The following CNTNAP2 variants were observed in gnomAD, a reference collection of about 807,000 sequenced individuals.
CNTNAP2 encodes contactin-associated protein-like 2.
Under a neutral mutation model 155.2 loss-of-function variants are expected in CNTNAP2, and 98 were observed. That is an observed-to-expected ratio of 0.63 (90% CI 0.54 to 0.75). The LOEUF is 0.75. Ranked by LOEUF, CNTNAP2 falls within the 30% of genes least tolerant of loss-of-function variation. The pLI is 0.00. For missense variants in CNTNAP2, 1,727 were observed against 1,688.1 expected (o/e 1.02, Z -0.40); for synonymous variants, 651 against 631.2 (o/e 1.03, Z -0.47).
chr7:147,757,216 A>T (rs1373400453), intron 13 of CNTNAP2, among the ~76,000 whole-genome samples: 3 of 152,192 alleles, frequency 2.0e-5, no homozygotes, highest in Non-Finnish European at 4.4e-5. Flanking sequence ...TCCTCTGCCC[A>T]AATAGTCATT....
intron 1 of CNTNAP2, among the ~76,000 whole-genome samples, chr7:146,682,019 T>A (rs895720135): frequency 7.2e-5 from 11 of 151,994 alleles, no homozygotes; most frequent in Non-Finnish European, 1.5e-4. Flanking sequence ...AACACATGTA[T>A]AAGCTACATC....
chr7:147,414,377 C>A (rs13229513), intron 10 of CNTNAP2, among the ~76,000 whole-genome samples: 22,054 of 147,320 alleles, frequency 0.15, 1,937 homozygotes, highest in East Asian at 0.35. Context: ...TGAGCTGAGA[C>A]TGTGGTATTG....
At chr7:147,050,181 C>T (rs12540353) in intron 4 of CNTNAP2, among the ~76,000 whole-genome samples, 4 of 152,118 alleles carry the variant, frequency 2.6e-5, no homozygotes, top group Admixed American at 1.3e-4. Flanking sequence ...TCTCCCACAG[C>T]GCAGACACTA....
At chr7:147,340,765 AT>A (rs1305517273) in intron 9 of CNTNAP2, among the ~76,000 whole-genome samples, 1 of 151,928 alleles carries the variant, frequency 6.6e-6, no homozygotes, top group Non-Finnish European at 1.5e-5. Flanking sequence ...ATTTCACACT[AT>A]TTTTTCAACA....
At chr7:146,361,146 A>G (rs1795076569) in intron 1 of CNTNAP2, among the ~76,000 whole-genome samples, 1 of 152,212 alleles carries the variant, frequency 6.6e-6, no homozygotes, top group Non-Finnish European at 1.5e-5. Flanking sequence ...AAGAAAAATG[A>G]CATCTTAACT....
intron 3 of CNTNAP2, among the ~76,000 whole-genome samples, chr7:146,993,637 C>T (rs1798251408): frequency 6.6e-6 from 1 of 152,108 alleles, no homozygotes; most frequent in Non-Finnish European, 1.5e-5. Flanking sequence ...CTGCCCCGCT[C>T]AAGCCTTGTT....
chr7:146,796,865 G>C (rs576123911), intron 2 of CNTNAP2, among the ~76,000 whole-genome samples: 1 of 152,054 alleles, frequency 6.6e-6, no homozygotes, highest in Non-Finnish European at 1.5e-5. Flanking sequence ...GGCCGGGCGC[G>C]GTGGCTCACA....
chr7:147,945,801 C>T (rs559038787), intron 14 of CNTNAP2, among the ~76,000 whole-genome samples: 1 of 151,252 alleles, frequency 6.6e-6, no homozygotes, highest in Admixed American at 6.6e-5. Context: ...GCCTTGGTTG[C>T]ACTCCCTGGA....
chr7:147,736,443 C>T (rs1434824283), intron 13 of CNTNAP2, among the ~76,000 whole-genome samples: 2 of 152,144 alleles, frequency 1.3e-5, no homozygotes, highest in Non-Finnish European at 2.9e-5. Flanking sequence ...TTCTCTCTGG[C>T]TGCCCTTAAC....
rs139708585 is a variant in CNTNAP2, at chr7:147,724,711, T to C, written c.2098+85405T>C. Among the ~76,000 whole-genome samples the C allele has an allele frequency of 2.4e-3, 372 of 152,172 alleles. 2 individuals are homozygous for C. Among genetic ancestry groups the C allele is most frequent in the Non-Finnish European group, 3.6e-3 (247 of 67,970 alleles). ...TGGATAATACGCTGCAGGTAATTTC[T>C]CCTTCCTATATTACACTGCGGAAGC... is the stretch of plus-strand genomic sequence containing the variant. On this transcript the variant is annotated intron_variant, in intron 13 of 23. Coordinates refer to ENST00000361727, the MANE Select transcript of CNTNAP2 (RefSeq NM_014141.6).
chr7:147,857,019 C>G (rs1431255390), intron 13 of CNTNAP2, among the ~76,000 whole-genome samples: 1 of 152,110 alleles, frequency 6.6e-6, no homozygotes, highest in African/African-American at 2.4e-5. Context: ...GAGGCTGGGA[C>G]AAAGAAGATG....
intron 9 of CNTNAP2, among the ~76,000 whole-genome samples, chr7:147,326,070 A>C (rs36029041): frequency 0.19 from 28,587 of 151,940 alleles, 3,538 homozygotes; most frequent in Non-Finnish European, 0.27. Context: ...CGACAAGCGC[A>C]CGCCACCACA....
chr7:148,209,937 C>T (rs1390687168), intron 18 of CNTNAP2, among the ~76,000 whole-genome samples: 1 of 152,216 alleles, frequency 6.6e-6, no homozygotes, highest in African/African-American at 2.4e-5. Flanking sequence ...ATGCTCTTTT[C>T]TCTTCCTAGA....
rs111429790 is a variant in CNTNAP2, at chr7:148,331,780, A to T, written c.3476-51869A>T. ...CGGATGGATTGGATGGATGGAATGG[A>T]CAGATGGAGTGGATGGATAGAATGG... is the stretch of plus-strand genomic sequence containing the variant. On this transcript the variant is annotated intron_variant, in intron 21 of 23. Coordinates refer to ENST00000361727, the MANE Select transcript of CNTNAP2 (RefSeq NM_014141.6). Among the ~76,000 whole-genome samples, 106 of 95,284 alleles carry T rather than the reference A, an allele frequency of 1.1e-3. 5 individuals are homozygous for T. The highest frequency in any genetic ancestry group is 1.8e-3 in the African/African-American group (39 of 22,266). The allele number at this position is 95,284 out of a possible 152,430, so 62.5% of individuals were successfully genotyped here.
chr7:146,548,755 C>G (rs1357175978), intron 1 of CNTNAP2, among the ~76,000 whole-genome samples: 1 of 146,724 alleles, frequency 6.8e-6, no homozygotes, highest in African/African-American at 2.5e-5. Context: ...GAAATTAATC[C>G]CTTATCAGAT....
At chr7:146,978,320 G>A (rs981042193) in intron 3 of CNTNAP2, among the ~76,000 whole-genome samples, 32 of 152,032 alleles carry the variant, frequency 2.1e-4, no homozygotes, top group African/African-American at 7.2e-4. Flanking sequence ...CACTTGACCC[G>A]GTCTTCAACC....
intron 18 of CNTNAP2, among the ~76,000 whole-genome samples, chr7:148,183,459 A>T (rs1164077221): frequency 6.6e-6 from 1 of 151,742 alleles, no homozygotes; most frequent in African/African-American, 2.4e-5. Flanking sequence ...TGATATTTAC[A>T]AGAAATACTT....
At chr7:146,741,748 G>C (rs1801720114) in intron 1 of CNTNAP2, among the ~76,000 whole-genome samples, 1 of 152,134 alleles carries the variant, frequency 6.6e-6, no homozygotes, top group Admixed American at 6.5e-5. Context: ...ACACAGATTT[G>C]AATATTGCAT....
intron 3 of CNTNAP2, among the ~76,000 whole-genome samples, chr7:146,952,572 C>T (rs111942370): frequency 0.046 from 6,931 of 152,198 alleles, 183 homozygotes; most frequent in South Asian, 0.082. Context: ...TAAGCAACTT[C>T]GGCGAAGTCT....
Sources: allele counts gnomAD v4.1 joint callset (sites outside exome capture counted in the v4.1 genomes callset), GRCh38; gene constraint gnomAD v4.1.1; transcripts MANE v1.5; gene names NCBI Gene and HGNC (gene_info 2026-07-23, HGNC 2026-07-21).